The following CADPS2 variants were observed in gnomAD, a reference collection of about 807,000 sequenced individuals.
CADPS2 encodes calcium-dependent secretion activator 2.
CADPS2 carries 93 observed loss-of-function variants against 172.5 expected under a neutral mutation model. That is an observed-to-expected ratio of 0.54 (90% CI 0.46 to 0.64). The LOEUF (loss-of-function observed/expected upper bound fraction) is 0.64, where lower values mean the gene tolerates loss of function less well. Among genes scored for constraint, CADPS2 ranks in the 30% least tolerant of loss-of-function variants. The probability of loss-of-function intolerance (pLI) is 0.00; values close to 1 mark genes in which losing one functional copy is unlikely to be tolerated. For missense variants in CADPS2, 1,420 were observed against 1,565.9 expected, an observed-to-expected ratio of 0.91 and a Z score of 1.57; for synonymous variants, 546 against 555.2, an observed-to-expected ratio of 0.98 and a Z score of 0.23.
chr7:122,578,018 G>A (rs1716235537), intron 7 of CADPS2, among the ~76,000 whole-genome samples: 1 of 150,786 alleles, frequency 6.6e-6, no homozygotes, highest in Non-Finnish European at 1.5e-5. Flanking sequence ...ATCATGTAAG[G>A]TTTTTTCTTT....
chr7:122,402,897 A>C (rs1474934508), intron 20 of CADPS2, among the ~76,000 whole-genome samples: 1 of 152,164 alleles, frequency 6.6e-6, no homozygotes, highest in Non-Finnish European at 1.5e-5. Flanking sequence ...AGTTGTAATT[A>C]TTTCGAATTT....
intron 28 of CADPS2, among the ~76,000 whole-genome samples, chr7:122,336,083 CAGGTTAGGTGTTTA>C (rs2035811624): frequency 6.6e-6 from 1 of 152,164 alleles, no homozygotes; most frequent in Non-Finnish European, 1.5e-5. Flanking sequence ...TTCTCTCTTA[CAGGTTAGGTGTTTA>C]TATGAAAGCT....
At chr7:122,738,094 G>C (rs1461648541) in intron 1 of CADPS2, among the ~76,000 whole-genome samples, 1 of 152,120 alleles carries the variant, frequency 6.6e-6, no homozygotes. Context: ...TTACAACCAA[G>C]GGTCCTTACC....
chr7:122,499,422 G>A (rs1189491176), intron 9 of CADPS2, among the ~76,000 whole-genome samples: 2 of 152,020 alleles, frequency 1.3e-5, no homozygotes, highest in Non-Finnish European at 2.9e-5. Context: ...AGGTGTTTGT[G>A]GTCTCTAAAG....
Position 122,692,809 on chromosome 7 carries a change from C to A in CADPS2, c.454-29240G>T, listed in dbSNP as rs927462617. On this transcript the variant is annotated intron_variant, in intron 2 of 29. Transcript: ENST00000449022. ...ATGTAGTTTTATTCAGCAGCTTTCC[C>A]ATCCACAGCTCTCACGCACTGTTCT... is the stretch of plus-strand genomic sequence containing the variant. 3.3e-5 allele frequency among the ~76,000 whole-genome samples: 5 copies of A among 151,626 alleles called. No homozygotes were observed. The East Asian group carries it at 7.7e-4, about 23-fold the overall frequency.
intron 2 of CADPS2, among the ~76,000 whole-genome samples, chr7:122,686,478 C>A (rs1179939507): frequency 6.6e-6 from 1 of 152,088 alleles, no homozygotes; most frequent in African/African-American, 2.4e-5. Flanking sequence ...AACTCGAGTA[C>A]GCATTAGAAT....
chr7:122,615,146 C>G, intron 6 of CADPS2, 35 bp downstream of exon 6: 1 of 1,297,502 alleles, frequency 7.7e-7, no homozygotes, highest in Non-Finnish European at 1.1e-6. Context: ...AAAAAACAAA[C>G]AACAACAATA....
At chr7:122,408,682 C>T (rs1018167213) in intron 19 of CADPS2, among the ~76,000 whole-genome samples, 1 of 152,316 alleles carries the variant, frequency 6.6e-6, no homozygotes. Flanking sequence ...CGGCCTTGGC[C>T]TCTCAGAGTG....
chr7:122,372,964 G>C (rs943141120), intron 25 of CADPS2, among the ~76,000 whole-genome samples: 11 of 152,152 alleles, frequency 7.2e-5, no homozygotes, highest in Non-Finnish European at 1.2e-4. Context: ...AGTGACTGAG[G>C]ATAAGACTGC....
At chr7:122,783,135 G>C (rs1793175766) in intron 1 of CADPS2, among the ~76,000 whole-genome samples, 1 of 148,218 alleles carries the variant, frequency 6.7e-6, no homozygotes. Flanking sequence ...AGAATGGCGT[G>C]AACCTGGGAG....
intron 14 of CADPS2, among the ~76,000 whole-genome samples, chr7:122,458,224 T>G (rs1186814592): frequency 1.3e-5 from 2 of 152,168 alleles, no homozygotes; most frequent in Non-Finnish European, 2.9e-5. Flanking sequence ...TAAAAGTCAC[T>G]TTGCACTTCG....
intron 1 of CADPS2, among the ~76,000 whole-genome samples, chr7:122,858,219 A>G (rs1815872436): frequency 1.3e-5 from 2 of 152,056 alleles, no homozygotes; most frequent in South Asian, 4.2e-4. Context: ...GTAAGACAGA[A>G]AAGTTCTCCA....
At chr7:122,669,622 C>A (rs912222657) in intron 2 of CADPS2, among the ~76,000 whole-genome samples, 5 of 151,822 alleles carry the variant, frequency 3.3e-5, no homozygotes, top group African/African-American at 1.2e-4. Context: ...GTTCTCTTGG[C>A]CCTACGTGTA....
At chr7:122,636,678 C>G (rs2077097493) in intron 3 of CADPS2, among the ~76,000 whole-genome samples, 1 of 152,114 alleles carries the variant, frequency 6.6e-6, no homozygotes, top group African/African-American at 2.4e-5. Context: ...GTTGACCAGA[C>G]TGGTCTCGAA....
At chr7:122,616,933 A>G (rs2074994346) in intron 5 of CADPS2, among the ~76,000 whole-genome samples, 1 of 152,220 alleles carries the variant, frequency 6.6e-6, no homozygotes, top group African/African-American at 2.4e-5. Flanking sequence ...TTCTCTAATA[A>G]CTTCTTAATA....
At chr7:122,343,351 T>C (rs2037076661) in intron 28 of CADPS2, among the ~76,000 whole-genome samples, 1 of 152,192 alleles carries the variant, frequency 6.6e-6, no homozygotes, top group East Asian at 1.9e-4. Flanking sequence ...CCCATAGCCA[T>C]GTCAGATGCT....
rs190184009 is a variant in CADPS2, at chr7:122,494,869, G to A, written c.1543-3449C>T. 2.0e-5 allele frequency among the ~76,000 whole-genome samples: 3 copies of A among 150,572 alleles called. No homozygotes were observed. In the East Asian group the frequency reaches 5.8e-4, roughly 29 times the overall value. On this transcript the variant is annotated intron_variant, in intron 9 of 29. Transcript: ENST00000449022. ...TAAGGTTTACAAATGAAAGTCAGTT[G>A]CTCCCATAAGGGTTTTTTTTTTTTA...
At chr7:122,478,004 A>C (rs2152235803) in intron 12 of CADPS2, among the ~76,000 whole-genome samples, 1 of 152,320 alleles carries the variant, frequency 6.6e-6, no homozygotes, top group African/African-American at 2.4e-5. Flanking sequence ...GATATCATTA[A>C]GATATTATCT....
chr7:122,450,236 T>C (rs1266527452), intron 15 of CADPS2, among the ~76,000 whole-genome samples: 2 of 152,172 alleles, frequency 1.3e-5, no homozygotes, highest in East Asian at 3.9e-4. Flanking sequence ...ACTACGTTTA[T>C]TTTTTAAATA....
Sources: allele counts gnomAD v4.1 joint callset (sites outside exome capture counted in the v4.1 genomes callset), GRCh38; gene constraint gnomAD v4.1.1; transcripts MANE v1.5; gene names NCBI Gene and HGNC (gene_info 2026-07-23, HGNC 2026-07-21).